Variants in ETS1 observed in about 807,000 individuals in gnomAD.
ETS1 encodes the protein protein C-ets-1.
In ETS1, 15 loss-of-function variants were observed where a neutral mutation model predicts 58.6. The observed-to-expected ratio is 0.26, with a 90% CI of 0.17 to 0.39. The LOEUF is 0.39. Among genes scored for constraint, ETS1 ranks in the 10% least tolerant of loss-of-function variants. The pLI is 1.00. For synonymous variants in ETS1, 214 were observed against 218.2 expected (o/e 0.98, Z 0.17); for missense variants, 417 against 610.5 (o/e 0.68, Z 3.34).
At chr11:128,542,104 T>G (rs1864065927) in intron 3 of ETS1, among the ~76,000 whole-genome samples, 1 of 152,232 alleles carries the variant, frequency 6.6e-6, no homozygotes, top group Non-Finnish European at 1.5e-5. Flanking sequence ...CTGGTGGAAC[T>G]GCTGATCACA....
intron 1 of ETS1, among the ~76,000 whole-genome samples, chr11:128,574,808 T>G (rs1000158303): frequency 6.6e-6 from 1 of 152,142 alleles, no homozygotes; most frequent in African/African-American, 2.4e-5. Context: ...CACTTCAAAG[T>G]TTTTGATCTA....
rs778744570 is a variant in ETS1, at chr11:128,585,136, A to AAAAGAAAG, written c.-15+2344_-15+2351dup. 6.5e-4 allele frequency among the ~76,000 whole-genome samples: 9 copies of AAAAGAAAG among 13,922 alleles called. 1 individual carries two copies. Among genetic ancestry groups the AAAAGAAAG allele is most frequent in the Non-Finnish European group, 1.1e-3 (9 of 8,238 alleles). The allele number at this position is 13,922 out of a possible 152,430, so 9.1% of individuals were successfully genotyped here. A position where few individuals can be genotyped will look rare whatever the true frequency, so the allele number is the denominator to read the frequency against. Reference sequence around the variant, plus strand: ...GGAAGGAAAGAAAGAAGAAAGAAAGAAAAGAAAGAAAGAAAGAAAGAAAGA... The same window carrying AAAAGAAAG: ...GGAAGGAAAGAAAGAAGAAAGAAAGAAAAGAAAGAAAGAAAGAAAGAAAGAAAGAAAGA... On this transcript the variant is annotated intron_variant, in intron 1 of 9. Coordinates refer to ENST00000392668, the MANE Select transcript of ETS1 (RefSeq NM_001143820.2).
intron 3 of ETS1, among the ~76,000 whole-genome samples, chr11:128,496,082 T>A (rs1003743509): frequency 1.3e-5 from 2 of 152,104 alleles, no homozygotes; most frequent in Non-Finnish European, 1.5e-5. Flanking sequence ...ACAAGGATAT[T>A]TTTTAGATAA....
chr11:128,575,605 T>A (rs1319017025), intron 1 of ETS1, among the ~76,000 whole-genome samples: 1 of 152,202 alleles, frequency 6.6e-6, no homozygotes, highest in East Asian at 1.9e-4. Context: ...AGGAAAAATC[T>A]GAGAAAGACA....
intron 3 of ETS1, among the ~76,000 whole-genome samples, chr11:128,551,257 T>C (rs1213512686): frequency 6.6e-6 from 1 of 152,174 alleles, no homozygotes; most frequent in Non-Finnish European, 1.5e-5. Context: ...CCCTCAGCGC[T>C]CTCAACACTT....
At position 128,571,514 on chromosome 11, in the gene ETS1, A is replaced by C. The variant is rs1864632614; in HGVS notation, c.69+1548T>G. On this transcript the variant is annotated intron_variant, in intron 2 of 9. Transcript: ENST00000392668. ...GCAAGACTCCGTCAAAAAAAAAAAA[A>C]AAAAAAAAAAAAAAAAAAAAAAAAA... 4.9e-3 allele frequency among the ~76,000 whole-genome samples: 26 copies of C among 5,292 alleles called. 6 individuals are homozygous for C. Among genetic ancestry groups the C allele is most frequent in the African/African-American group, 0.034 (25 of 742 alleles). The allele number at this position is 5,292 out of a possible 152,430, so 3.5% of individuals were successfully genotyped here.
chr11:128,521,245 C>T (rs1863659183), intron 3 of ETS1, among the ~76,000 whole-genome samples: 8 of 152,140 alleles, frequency 5.3e-5, no homozygotes, highest in Admixed American at 5.2e-4. Context: ...GTGTTTGATG[C>T]TTTCCTTCCA....
chr11:128,517,734 C>T (rs1217449461), intron 3 of ETS1, among the ~76,000 whole-genome samples: 1 of 152,212 alleles, frequency 6.6e-6, no homozygotes, highest in Non-Finnish European at 1.5e-5. Context: ...CCTACACTAA[C>T]CAGCTCTCAG....
intron 3 of ETS1, among the ~76,000 whole-genome samples, chr11:128,534,389 A>C (rs1360690435): frequency 6.6e-6 from 1 of 152,234 alleles, no homozygotes; most frequent in African/African-American, 2.4e-5. Context: ...CCTCAAAATT[A>C]GCAATGAAAA....
intron 4 of ETS1, among the ~76,000 whole-genome samples, chr11:128,489,856 A>G (rs73582840): frequency 0.021 from 3,212 of 152,288 alleles, 118 homozygotes; most frequent in African/African-American, 0.073. Flanking sequence ...AGCAATAATA[A>G]CAAGAGATTG....
intron 3 of ETS1, among the ~76,000 whole-genome samples, chr11:128,537,623 C>T (rs917431558): frequency 6.6e-6 from 1 of 152,176 alleles, no homozygotes; most frequent in Non-Finnish European, 1.5e-5. Context: ...TGCACACCTT[C>T]CTAGCAGCTG....
intron 1 of ETS1, among the ~76,000 whole-genome samples, chr11:128,585,092 AAAGAAAGAAAGGAAGGAAGG>A: frequency 3.0e-5 from 1 of 33,400 alleles, no homozygotes; most frequent in South Asian, 5.5e-4. Context: ...GAAAGAAAGG[AAAGAAAGAAAGGAAGGAAGG>A]AAGGAAAGAA....
intron 3 of ETS1, among the ~76,000 whole-genome samples, chr11:128,521,210 A>T (rs2135517524): frequency 6.6e-6 from 1 of 152,292 alleles, no homozygotes; most frequent in East Asian, 1.9e-4. Flanking sequence ...AACACCATGT[A>T]CCAAAGACAC....
chr11:128,557,162 T>C (rs183346472), intron 2 of ETS1, among the ~76,000 whole-genome samples: 4 of 152,312 alleles, frequency 2.6e-5, no homozygotes, highest in Admixed American at 6.5e-5. Flanking sequence ...CTTACCAACA[T>C]GGAGCCTGGG....
chr11:128,466,533 T>C (rs1023022388), intron 8 of ETS1, among the ~76,000 whole-genome samples: 12 of 152,150 alleles, frequency 7.9e-5, no homozygotes, highest in Non-Finnish European at 1.8e-4. Flanking sequence ...TAGTTTTCCT[T>C]TTCTACCAGT....
At chr11:128,571,161 G>T (rs1864618994) in intron 2 of ETS1, among the ~76,000 whole-genome samples, 1 of 151,992 alleles carries the variant, frequency 6.6e-6, no homozygotes. Flanking sequence ...GGGCGCGGTG[G>T]CTCACGCTTG....
intron 1 of ETS1, among the ~76,000 whole-genome samples, chr11:128,584,049 A>G (rs1406927430): frequency 6.6e-6 from 1 of 152,176 alleles, no homozygotes; most frequent in Non-Finnish European, 1.5e-5. Flanking sequence ...AATTTTAAAA[A>G]TGGAGTTTAC....
At chr11:128,535,652 C>T (rs1863962837) in intron 3 of ETS1, among the ~76,000 whole-genome samples, 1 of 152,204 alleles carries the variant, frequency 6.6e-6, no homozygotes, top group Non-Finnish European at 1.5e-5. Flanking sequence ...ATCCCTGACA[C>T]ATCAAGTCTT....
At chr11:128,569,987 A>G (rs1332100899) in intron 2 of ETS1, among the ~76,000 whole-genome samples, 1 of 152,230 alleles carries the variant, frequency 6.6e-6, no homozygotes, top group Non-Finnish European at 1.5e-5. Flanking sequence ...TTTGAAACCA[A>G]TGGAAGCCAT....
Sources: gnomAD v4.1 joint callset for allele counts (sites outside exome capture counted in the v4.1 genomes callset) on GRCh38, gnomAD v4.1.1 for gene constraint, MANE v1.5 for transcripts, NCBI Gene and HGNC (gene_info 2026-07-23, HGNC 2026-07-21) for gene names.